LYST: variants seen among roughly 807,000 people sequenced by gnomAD.
The protein encoded by LYST is lysosomal trafficking regulator.
LYST carries 192 observed loss-of-function variants against 413.6 expected under a neutral mutation model. The ratio of observed to expected loss-of-function variants is 0.46; its 90% CI spans 0.41 to 0.52. The LOEUF (loss-of-function observed/expected upper bound fraction) is 0.52. Among genes scored for constraint, LYST ranks in the 20% least tolerant of loss-of-function variants. The pLI is 0.00. For missense variants in LYST, 3,815 were observed against 4,499.9 expected (o/e 0.85, Z 4.35); for synonymous variants, 1,525 against 1,567.3 (o/e 0.97, Z 0.64).
intron 3 of LYST, among the ~76,000 whole-genome samples, chr1:235,824,814 G>C (rs1338526134): frequency 6.6e-6 from 1 of 152,098 alleles, no homozygotes; most frequent in African/African-American, 2.4e-5. Context: ...GAGGTCAGGA[G>C]TTCAAGACCA....
rs143696500 is a variant in LYST, at chr1:235,777,149, T to C, written c.5374A>G (p.Asn1792Asp). 112 of 1,613,404 alleles carry C rather than the reference T, an allele frequency of 6.9e-5. 1 individual carries two copies. In the African/African-American group the frequency reaches 1.3e-3, roughly 19 times the overall value. The change falls in exon 17 of 53, where the codon AAT becomes GAT. Residue 1792 changes from asparagine to aspartate, a missense_variant. Coordinates refer to ENST00000389793, the MANE Select transcript of LYST (RefSeq NM_000081.4). ...SILLEPHHLK[N>D]LQPTEYKTIQ... The stretch of plus-strand genomic sequence containing the variant: ...GTTTTATATTCAGTAGGTTGGAGAT[T>C]CTTTAGATGATGAGGTTCTAATAAG...
intron 3 of LYST, among the ~76,000 whole-genome samples, chr1:235,814,746 TG>T (rs56961561): frequency 0.05 from 7,592 of 152,204 alleles, 645 homozygotes; most frequent in African/African-American, 0.17. Flanking sequence ...CTACTCCTTC[TG>T]GTGTCCTGGT....
At position 235,733,630 on chromosome 1, in the gene LYST, G is replaced by A; in HGVS notation, c.8674C>T (p.Gln2892Ter). The change falls in exon 34 of 53, where the codon CAG (glutamine) becomes TAG (stop). Residue 2892 changes from glutamine (Q) to a stop codon, truncating the protein, a stop_gained. Coordinates refer to ENST00000389793, the MANE Select transcript of LYST (RefSeq NM_000081.4). LOFTEE classifies it high-confidence loss of function. ...DISKIAADIT[Q>*]AVSLSQGNER... Reference sequence around the variant, plus strand: ...TTTCCTTGGGAGAGAGACACTGCCTGGGTGATATCTGCAGCTATTTTAGAT... The same window carrying A: ...TTTCCTTGGGAGAGAGACACTGCCTAGGTGATATCTGCAGCTATTTTAGAT... 6.2e-7 allele frequency: 1 copy of A among 1,613,504 alleles called. No individual in the cohort carries two copies. The highest frequency in any genetic ancestry group is 8.5e-7 in the Non-Finnish European group (1 of 1,179,554).
intron 50 of LYST, among the ~76,000 whole-genome samples, chr1:235,670,872 G>A (rs1658883791): frequency 6.6e-6 from 1 of 152,092 alleles, no homozygotes; most frequent in Non-Finnish European, 1.5e-5. Flanking sequence ...AGGAAACTCA[G>A]GGACACATCT....
chr1:235,791,236 C>T (rs972570695), intron 12 of LYST, among the ~76,000 whole-genome samples: 7 of 151,928 alleles, frequency 4.6e-5, no homozygotes, highest in Admixed American at 2.6e-4. Context: ...GAGCCGAGAT[C>T]GCGCCATTGC....
At chr1:235,673,658 T>C (rs1202386488) in intron 50 of LYST, among the ~76,000 whole-genome samples, 3 of 152,186 alleles carry the variant, frequency 2.0e-5, no homozygotes, top group Non-Finnish European at 4.4e-5. Context: ...GGTGCTTCTA[T>C]GGTCTAGGAG....
At chr1:235,856,602 T>C (rs543187158) in intron 1 of LYST, among the ~76,000 whole-genome samples, 1 of 152,336 alleles carries the variant, frequency 6.6e-6, no homozygotes, top group African/African-American at 2.4e-5. Context: ...AATCAGGTTT[T>C]ATCAAAACTG....
intron 47 of LYST, among the ~76,000 whole-genome samples, chr1:235,687,849 C>G (rs1360637074): frequency 1.3e-5 from 2 of 152,172 alleles, no homozygotes; most frequent in Non-Finnish European, 2.9e-5. Context: ...CAAGGTCAGC[C>G]TTGCCTCATC....
chr1:235,730,563 TTA>T (rs199914893), intron 36 of LYST, among the ~76,000 whole-genome samples: 6,109 of 129,950 alleles, frequency 0.047, 424 homozygotes, highest in African/African-American at 0.17. Context: ...ATATACATAT[TTA>T]TATGTGTGTG....
intron 3 of LYST, among the ~76,000 whole-genome samples, chr1:235,813,619 T>C (rs1056982277): frequency 6.6e-6 from 1 of 152,178 alleles, no homozygotes; most frequent in Non-Finnish European, 1.5e-5. Context: ...GAGGATATGG[T>C]CCAAGCCCTG....
chr1:235,709,275 C>A lies in LYST; in HGVS notation c.9959G>T (p.Arg3320Leu), dbSNP rs768407081. Residue 3320 changes from arginine to leucine, a missense_variant, in exon 44 of 53, where the codon CGG (arginine) becomes CTG (leucine). Physicochemically the swap from Arg to Leu is moderately radical, Grantham distance 102. Coordinates refer to ENST00000389793, the MANE Select transcript of LYST (RefSeq NM_000081.4). ...FDFGVRQNGE[R>L]VNHVNLPPWA... is the part of the protein sequence containing the mutation. Reference sequence around the variant, plus strand: ...AGGGGGAAGGTTGACGTGATTAACCCGTTCACCATTCTGACGCACACCAAA... The same window carrying A: ...AGGGGGAAGGTTGACGTGATTAACCAGTTCACCATTCTGACGCACACCAAA... 6.2e-7 allele frequency: 1 copy of A among 1,613,960 alleles called. No individual in the cohort carries two copies. Among genetic ancestry groups the A allele is most frequent in the Non-Finnish European group, 8.5e-7 (1 of 1,179,950 alleles).
At chr1:235,861,991 A>G (rs1342594630) in intron 1 of LYST, among the ~76,000 whole-genome samples, 1 of 152,228 alleles carries the variant, frequency 6.6e-6, no homozygotes, top group Non-Finnish European at 1.5e-5. Flanking sequence ...ATAGGAGGTC[A>G]CTGGTTTAGA....
At chr1:235,737,934 G>GGGGGT in intron 31 of LYST, 1 of 1,171,152 alleles carries the variant, frequency 8.5e-7, no homozygotes, top group Non-Finnish European at 1.1e-6. Context: ...TCTCACTGCC[G>GGGGGT]CGTGCCCCAA....
At chr1:235,802,651 G>C (rs560680167) in intron 8 of LYST, among the ~76,000 whole-genome samples, 1 of 152,210 alleles carries the variant, frequency 6.6e-6, no homozygotes, top group South Asian at 2.1e-4. Context: ...TTTCACACTA[G>C]AATATACATG....
intron 40 of LYST, among the ~76,000 whole-genome samples, chr1:235,719,627 TA>T (rs35578758): frequency 7.0e-4 from 96 of 136,982 alleles, no homozygotes; most frequent in South Asian, 1.6e-3. Flanking sequence ...TGCAGAATGA[TA>T]AAAAAAAAAA....
Position 235,724,041 on chromosome 1 carries a change from A to T in LYST, c.9302T>A (p.Phe3101Tyr). Residue 3101 changes from phenylalanine to tyrosine, a missense_variant, in exon 39 of 53, where the codon TTT becomes TAT. This residue lies in a region of LYST where 866 missense variants were observed against 1,156.0 expected (regional missense o/e 0.75). Coordinates refer to ENST00000389793, the MANE Select transcript of LYST (RefSeq NM_000081.4). ...LTNGRTLLLA[F>Y]DNTKVRDDVY... ...GGGTGAATTTACCTTGGTGTTATCA[A>T]ATGCCAACAGGAGTGTTCTGCCATT... The T allele has an allele frequency of 6.2e-7, 1 of 1,613,732 alleles. No homozygotes were observed. The highest frequency in any genetic ancestry group is 8.5e-7 in the Non-Finnish European group (1 of 1,179,666).
chr1:235,782,807 G>A (rs1670007442), intron 14 of LYST, among the ~76,000 whole-genome samples: 2 of 152,170 alleles, frequency 1.3e-5, no homozygotes, highest in East Asian at 1.9e-4. Context: ...TCATCTATGA[G>A]GCCTTTGAAA....
chr1:235,792,665 A>ATT (rs57005666), intron 11 of LYST, among the ~76,000 whole-genome samples: 4,159 of 124,734 alleles, frequency 0.033, 203 homozygotes, highest in African/African-American at 0.12. Flanking sequence ...TCATGTTTAG[A>ATT]TTTTTTTTTT....
intron 39 of LYST, among the ~76,000 whole-genome samples, chr1:235,723,259 A>G (rs1424453739): frequency 2.0e-5 from 3 of 152,240 alleles, no homozygotes; most frequent in Non-Finnish European, 4.4e-5. Flanking sequence ...AGTGACTTCT[A>G]AATGGAGACA....
Sources: allele counts gnomAD v4.1 joint callset (sites outside exome capture counted in the v4.1 genomes callset), GRCh38; gene constraint gnomAD v4.1.1; regional missense constraint gnomAD v4.1.1; transcripts MANE v1.5; gene names NCBI Gene and HGNC (gene_info 2026-07-23, HGNC 2026-07-21).